Variants in CACNG3 observed in about 807,000 individuals in gnomAD.
CACNG3 encodes calcium voltage-gated channel auxiliary subunit gamma 3.
CACNG3 carries 3 observed loss-of-function variants against 28.5 expected under a neutral mutation model. The ratio of observed to expected loss-of-function variants is 0.11; its 90% CI spans 0.05 to 0.27. CACNG3 has a LOEUF of 0.27. CACNG3 is among the 10% of genes least tolerant of loss of function. The pLI, the probability that CACNG3 is intolerant of heterozygous loss-of-function variation, is 1.00. For synonymous variants in CACNG3, 174 were observed against 162.2 expected, an observed-to-expected ratio of 1.07 and a Z score of -0.55; for missense variants, 236 against 414.4, an observed-to-expected ratio of 0.57 and a Z score of 3.74.
intron 1 of CACNG3, among the ~76,000 whole-genome samples, chr16:24,331,676 C>T (rs750543007): frequency 2.0e-5 from 3 of 152,186 alleles, no homozygotes; most frequent in Non-Finnish European, 4.4e-5. Flanking sequence ...GTAAGAAGCT[C>T]GGTGATGTGT....
chr16:24,330,764 C>G (rs1381907474), intron 1 of CACNG3, among the ~76,000 whole-genome samples: 1 of 152,190 alleles, frequency 6.6e-6, no homozygotes, highest in Admixed American at 6.5e-5. Flanking sequence ...CCCAGAAGCT[C>G]CAGAAGCCTC....
At chr16:24,305,263 A>T (rs2141361934) in intron 1 of CACNG3, among the ~76,000 whole-genome samples, 1 of 152,096 alleles carries the variant, frequency 6.6e-6, no homozygotes, top group Middle Eastern at 3.4e-3. Context: ...CTGTGAGCCT[A>T]AAACTGCTCT....
chr16:24,329,248 AC>A (rs1899601645), intron 1 of CACNG3, among the ~76,000 whole-genome samples: 1 of 152,160 alleles, frequency 6.6e-6, no homozygotes, highest in South Asian at 2.1e-4. Flanking sequence ...CGTGGCAACC[AC>A]CCATGCTTAA....
chr16:24,321,102 A>G (rs1231793332), intron 1 of CACNG3, among the ~76,000 whole-genome samples: 1 of 152,150 alleles, frequency 6.6e-6, no homozygotes, highest in Non-Finnish European at 1.5e-5. Context: ...CCCACCCAGG[A>G]TGTGAATCCT....
chr16:24,341,088 G>C (rs1899780286), intron 1 of CACNG3, among the ~76,000 whole-genome samples: 1 of 152,198 alleles, frequency 6.6e-6, no homozygotes, highest in African/African-American at 2.4e-5. Flanking sequence ...AAGATTTACT[G>C]ATATGGGAGG....
chr16:24,262,972 C>G (rs1898555341), intron 1 of CACNG3, among the ~76,000 whole-genome samples: 1 of 152,186 alleles, frequency 6.6e-6, no homozygotes, highest in South Asian at 2.1e-4. Flanking sequence ...TGACTGTGTT[C>G]TTTAAATGTT....
At chr16:24,313,064 C>CGAGG (rs903814508) in intron 1 of CACNG3, among the ~76,000 whole-genome samples, 5 of 61,082 alleles carry the variant, frequency 8.2e-5, no homozygotes, top group African/African-American at 1.9e-4. Flanking sequence ...AGAGAGAAAG[C>CGAGG]GAGGGAGGGA....
chr16:24,326,316 C>T (rs562902181), intron 1 of CACNG3, among the ~76,000 whole-genome samples: 1 of 152,086 alleles, frequency 6.6e-6, no homozygotes, highest in Non-Finnish European at 1.5e-5. Context: ...GGATTACAGG[C>T]ATGCGCCAGT....
chr16:24,326,511 A>T (rs1281044242), intron 1 of CACNG3, among the ~76,000 whole-genome samples: 3 of 152,208 alleles, frequency 2.0e-5, no homozygotes, highest in Admixed American at 2.0e-4. Flanking sequence ...ATGTTCCAAG[A>T]CTATCTTCAC....
chr16:24,355,105 G>A, intron 3 of CACNG3, 132 bp downstream of exon 3: 1 of 878,438 alleles, frequency 1.1e-6, no homozygotes, highest in Non-Finnish European at 1.7e-6. Flanking sequence ...TGCTAAGGAT[G>A]AGAACTCCAA....
intron 1 of CACNG3, among the ~76,000 whole-genome samples, chr16:24,294,329 C>T (rs1192319466): frequency 1.3e-5 from 2 of 152,196 alleles, no homozygotes; most frequent in Admixed American, 1.3e-4. Flanking sequence ...TTCCTGCTGG[C>T]AGCAGAGTCG....
At chr16:24,285,044 G>T (rs1359681750) in intron 1 of CACNG3, among the ~76,000 whole-genome samples, 2 of 151,468 alleles carry the variant, frequency 1.3e-5, no homozygotes, top group Non-Finnish European at 2.9e-5. Flanking sequence ...GACACTCAGA[G>T]TGTGACCTCA....
intron 1 of CACNG3, among the ~76,000 whole-genome samples, chr16:24,272,252 A>T (rs1898700541): frequency 6.6e-6 from 1 of 152,198 alleles, no homozygotes; most frequent in South Asian, 2.1e-4. Flanking sequence ...ACATGTTCTC[A>T]ATATAAATGT....
chr16:24,285,763 T>C (rs1898884226), intron 1 of CACNG3, among the ~76,000 whole-genome samples: 1 of 151,796 alleles, frequency 6.6e-6, no homozygotes, highest in Non-Finnish European at 1.5e-5. Flanking sequence ...AATCACACTG[T>C]CGATGTTAGC....
At chr16:24,318,141 C>T (rs184528593) in intron 1 of CACNG3, among the ~76,000 whole-genome samples, 1 of 152,282 alleles carries the variant, frequency 6.6e-6, no homozygotes, top group Non-Finnish European at 1.5e-5. Flanking sequence ...ATCCCTAGAG[C>T]TGGGTATGGT....
intron 1 of CACNG3, among the ~76,000 whole-genome samples, chr16:24,344,133 A>T (rs1899826251): frequency 6.6e-6 from 1 of 151,798 alleles, no homozygotes; most frequent in Admixed American, 6.6e-5. Flanking sequence ...GCTAAAGAGG[A>T]TAAAACACGT....
rs866430427 is a variant in CACNG3 at position 24,345,471 on chromosome 16, C to T, written c.212-1263C>T. Among the ~76,000 whole-genome samples the T allele has an allele frequency of 2.0e-5, 3 of 152,272 alleles. No homozygotes were observed. In the South Asian group the frequency reaches 6.2e-4, roughly 32 times the overall value. On this transcript the variant is annotated intron_variant, in intron 1 of 3. Transcript: ENST00000005284. ...ATCCCAGCACATTGGGAGGCCGAGG[C>T]AGGTGGATCACCTGATGTCAGGAGT...
At chr16:24,294,525 G>A (rs990946391) in intron 1 of CACNG3, among the ~76,000 whole-genome samples, 2 of 152,156 alleles carry the variant, frequency 1.3e-5, no homozygotes, top group African/African-American at 2.4e-5. Flanking sequence ...ACAAAGTCTA[G>A]GTGGATGATG....
chr16:24,339,542 C>A (rs951456579), intron 1 of CACNG3, among the ~76,000 whole-genome samples: 2 of 152,058 alleles, frequency 1.3e-5, no homozygotes, highest in Non-Finnish European at 2.9e-5. Context: ...CCCGCCACCA[C>A]GCCCAGCTAA....
Sources: gnomAD v4.1 joint callset for allele counts (sites outside exome capture counted in the v4.1 genomes callset) on GRCh38, gnomAD v4.1.1 for gene constraint, MANE v1.5 for transcripts, NCBI Gene and HGNC (gene_info 2026-07-23, HGNC 2026-07-21) for gene names.